Variants in CDH13 observed in about 807,000 individuals in gnomAD.
The protein encoded by CDH13 is cadherin 13.
A neutral mutation model predicts 63.8 loss-of-function variants in CDH13; 24 were observed. The ratio of observed to expected loss-of-function variants is 0.38; its 90% CI spans 0.27 to 0.53. CDH13 has a LOEUF of 0.53. Among genes scored for constraint, CDH13 ranks in the 20% least tolerant of loss-of-function variants. The pLI is 0.85. For synonymous variants in CDH13, 503 were observed against 355.3 expected (o/e 1.42, Z -4.67); for missense variants, 1,049 against 903.1 (o/e 1.16, Z -2.07).
At chr16:82,659,275 A>G (rs922802248) in intron 1 of CDH13, among the ~76,000 whole-genome samples, 12 of 152,182 alleles carry the variant, frequency 7.9e-5, no homozygotes, top group African/African-American at 2.9e-4. Flanking sequence ...TGCCAGCAGC[A>G]TTGTGGAAAT....
At chr16:82,673,028 G>A (rs75263431) in intron 1 of CDH13, among the ~76,000 whole-genome samples, 8,326 of 40,656 alleles carry the variant, frequency 0.2, 376 homozygotes, top group Middle Eastern at 0.42. Flanking sequence ...TTGTAGAGAT[G>A]ATGGGGTCTT....
chr16:83,648,879 A>G (rs1400849249), intron 8 of CDH13, among the ~76,000 whole-genome samples: 2 of 149,754 alleles, frequency 1.3e-5, no homozygotes, highest in East Asian at 2.0e-4. Context: ...ACTTTTTTGC[A>G]TATGTAGCTG....
intron 10 of CDH13, among the ~76,000 whole-genome samples, chr16:83,689,867 G>T (rs1418846489): frequency 6.6e-6 from 1 of 152,184 alleles, no homozygotes; most frequent in African/African-American, 2.4e-5. Context: ...GGCATTGGGG[G>T]ATAAAGTAGC....
intron 10 of CDH13, among the ~76,000 whole-genome samples, chr16:83,708,717 T>G (rs1370578975): frequency 6.6e-6 from 1 of 152,176 alleles, no homozygotes; most frequent in Admixed American, 6.5e-5. Context: ...ATTTTCACCA[T>G]AAAAGTCCTT....
intron 11 of CDH13, among the ~76,000 whole-genome samples, chr16:83,776,774 C>G (rs1915144260): frequency 6.6e-6 from 1 of 152,200 alleles, no homozygotes; most frequent in Non-Finnish European, 1.5e-5. Context: ...GACTCCTCTT[C>G]CAATTCTCTC....
chr16:83,740,581 T>G (rs1456627453), intron 10 of CDH13, among the ~76,000 whole-genome samples: 1 of 152,180 alleles, frequency 6.6e-6, no homozygotes, highest in Non-Finnish European at 1.5e-5. Flanking sequence ...CCATGTGCCA[T>G]CAGAAGATGC....
At chr16:83,337,062 G>T (rs1014815650) in intron 5 of CDH13, among the ~76,000 whole-genome samples, 2 of 152,188 alleles carry the variant, frequency 1.3e-5, no homozygotes. Flanking sequence ...TGAAGGCCAC[G>T]CAGGCTTTGT....
chr16:83,212,765 A>C (rs2039377471), intron 4 of CDH13, among the ~76,000 whole-genome samples: 1 of 152,122 alleles, frequency 6.6e-6, no homozygotes, highest in Admixed American at 6.5e-5. Flanking sequence ...GGGATTGTTA[A>C]AGCTCAGATT....
chr16:83,431,093 T>C (rs930441980), intron 6 of CDH13, among the ~76,000 whole-genome samples: 63 of 151,782 alleles, frequency 4.2e-4, no homozygotes, highest in Non-Finnish European at 8.4e-4. Context: ...TTGCGATAGT[T>C]TACTGAGAAT....
chr16:82,704,186 G>A (rs2150995869), intron 1 of CDH13, among the ~76,000 whole-genome samples: 1 of 152,248 alleles, frequency 6.6e-6, no homozygotes, highest in South Asian at 2.1e-4. Flanking sequence ...TTGTAGTCTT[G>A]TGGAAGCAAT....
intron 11 of CDH13, among the ~76,000 whole-genome samples, chr16:83,764,727 ATCCTGCCTGCCTTCCCTG>A (rs1567581040): frequency 2.9e-5 from 4 of 139,732 alleles, no homozygotes; most frequent in African/African-American, 1.1e-4. Flanking sequence ...TTACTCTTGC[ATCCTGCCTGCCTTCCCTG>A]AGGCCCTTGC....
intron 5 of CDH13, among the ~76,000 whole-genome samples, chr16:83,252,349 T>C (rs1905680303): frequency 6.6e-6 from 1 of 151,838 alleles, no homozygotes; most frequent in Non-Finnish European, 1.5e-5. Context: ...TAGGCAAGAA[T>C]TTATTAGGAT....
At chr16:83,002,728 G>A (rs1028222892) in intron 2 of CDH13, among the ~76,000 whole-genome samples, 12 of 152,150 alleles carry the variant, frequency 7.9e-5, no homozygotes, top group Middle Eastern at 6.3e-3. Context: ...GAGAAGGGGC[G>A]TTCAGAGACT....
Position 83,006,640 on chromosome 16 carries a change from A to G in CDH13, c.158-25370A>G, listed in dbSNP as rs192817927. Among the ~76,000 whole-genome samples the G allele has an allele frequency of 1.1e-4, 16 of 152,296 alleles. No individual in the cohort carries two copies. In the East Asian group the frequency reaches 1.9e-3, roughly 18 times the overall value. Reference sequence around the variant, plus strand: ...CACTGGTTTCCCTCTGATAGTGTCTAAAGAAGCAAATAATGATGAAGTGAG... The same window carrying G: ...CACTGGTTTCCCTCTGATAGTGTCTGAAGAAGCAAATAATGATGAAGTGAG... On this transcript the variant is annotated intron_variant, in intron 2 of 13. Transcript: ENST00000567109.
chr16:83,194,983 T>TA (rs901725186), intron 4 of CDH13, among the ~76,000 whole-genome samples: 65 of 152,280 alleles, frequency 4.3e-4, no homozygotes, highest in African/African-American at 1.5e-3. Context: ...TTCATATAGG[T>TA]AAAAAAAGTA....
chr16:83,411,561 A>T (rs75665915), intron 6 of CDH13, among the ~76,000 whole-genome samples: 17,299 of 152,202 alleles, frequency 0.11, 1,262 homozygotes, highest in Middle Eastern at 0.17. Flanking sequence ...AAAAATAAAT[A>T]TTGAGATACA....
intron 10 of CDH13, among the ~76,000 whole-genome samples, chr16:83,701,659 A>G (rs939689432): frequency 2.0e-5 from 3 of 152,120 alleles, no homozygotes; most frequent in Non-Finnish European, 4.4e-5. Context: ...CCGCCACCCA[A>G]CAACCCCTGC....
intron 6 of CDH13, among the ~76,000 whole-genome samples, chr16:83,466,613 G>A (rs971606361): frequency 1.3e-5 from 2 of 152,322 alleles, no homozygotes; most frequent in South Asian, 4.1e-4. Context: ...GCCTCAATGT[G>A]TACAGCTCAT....
chr16:83,603,540 C>T (rs1908049343), intron 8 of CDH13, among the ~76,000 whole-genome samples: 1 of 152,192 alleles, frequency 6.6e-6, no homozygotes, highest in Non-Finnish European at 1.5e-5. Flanking sequence ...TCCTGTGATT[C>T]AAAAGCTGCA....
Sources: allele counts gnomAD v4.1 joint callset (sites outside exome capture counted in the v4.1 genomes callset), GRCh38; gene constraint gnomAD v4.1.1; transcripts MANE v1.5; gene names NCBI Gene and HGNC (gene_info 2026-07-23, HGNC 2026-07-21).